DENND2B: variants seen among roughly 807,000 people sequenced by gnomAD.
DENND2B encodes the protein DENN domain-containing protein 2B.
Under a neutral mutation model 116.0 loss-of-function variants are expected in DENND2B, and 32 were observed. The observed-to-expected ratio is 0.28, with a 90% CI of 0.21 to 0.37. DENND2B has a LOEUF of 0.37. Ranked by LOEUF, DENND2B falls within the 10% of genes least tolerant of loss-of-function variation. The pLI, the probability that DENND2B is intolerant of heterozygous loss-of-function variation, is 1.00. For synonymous variants in DENND2B, 588 were observed against 583.9 expected, an observed-to-expected ratio of 1.01 and a Z score of -0.10; for missense variants, 1,276 against 1,477.7, an observed-to-expected ratio of 0.86 and a Z score of 2.24.
chr11:8,818,436 T>A (rs1262361640), intron 4 of DENND2B, among the ~76,000 whole-genome samples: 3 of 151,738 alleles, frequency 2.0e-5, no homozygotes, highest in Non-Finnish European at 4.4e-5. Flanking sequence ...TCAAGCTGCT[T>A]TTCTATGATC....
chr11:8,823,459 A>G (rs1211015633), intron 4 of DENND2B, among the ~76,000 whole-genome samples: 1 of 152,180 alleles, frequency 6.6e-6, no homozygotes, highest in Non-Finnish European at 1.5e-5. Flanking sequence ...TGGCTGTGTC[A>G]CCACCCAAAT....
At chr11:8,704,737 G>A (rs1049099410) in intron 13 of DENND2B, among the ~76,000 whole-genome samples, 1 of 151,860 alleles carries the variant, frequency 6.6e-6, no homozygotes, top group Non-Finnish European at 1.5e-5. Flanking sequence ...TCGCTTTGTC[G>A]CCCAGGCTGG....
intron 1 of DENND2B, among the ~76,000 whole-genome samples, chr11:8,752,327 C>T (rs1036068726): frequency 1.3e-5 from 2 of 151,972 alleles, no homozygotes; most frequent in African/African-American, 4.8e-5. Context: ...TGGCAGGCAG[C>T]TGTAATCTCA....
chr11:8,708,990 C>T (rs1171140917), intron 11 of DENND2B, among the ~76,000 whole-genome samples: 1 of 150,634 alleles, frequency 6.6e-6, no homozygotes, highest in Non-Finnish European at 1.5e-5. Flanking sequence ...AAAGGGGAGA[C>T]ATGCACTGAG....
chr11:8,694,913 A>G (rs536643701), intron 19 of DENND2B, among the ~76,000 whole-genome samples: 3 of 152,266 alleles, frequency 2.0e-5, no homozygotes, highest in African/African-American at 7.2e-5. Flanking sequence ...AATTTTAAAA[A>G]TAGCCAGGTG....
intron 1 of DENND2B, among the ~76,000 whole-genome samples, chr11:8,891,222 C>T (rs1460844795): frequency 6.6e-6 from 1 of 152,170 alleles, no homozygotes; most frequent in Non-Finnish European, 1.5e-5. Flanking sequence ...GCCTGCCCTA[C>T]AAGAGCTCCT....
intron 1 of DENND2B, among the ~76,000 whole-genome samples, chr11:8,801,144 A>G (rs752427524): frequency 1.6e-4 from 24 of 151,928 alleles, no homozygotes; most frequent in East Asian, 7.7e-4. Context: ...TGTTGTTCAT[A>G]CAACACATAT....
At chr11:8,791,282 G>C (rs888227074) in intron 1 of DENND2B, among the ~76,000 whole-genome samples, 1 of 152,206 alleles carries the variant, frequency 6.6e-6, no homozygotes, top group Admixed American at 6.5e-5. Flanking sequence ...ATTGCACATA[G>C]GAAGCACTGG....
chr11:8,827,071 C>CATTACTCCCAGGGAGTA (rs1434952943), intron 4 of DENND2B, among the ~76,000 whole-genome samples: 5 of 152,176 alleles, frequency 3.3e-5, no homozygotes, highest in African/African-American at 1.2e-4. Flanking sequence ...AATTCCTGAG[C>CATTACTCCCAGGGAGTA]ATTACTCCCA....
At chr11:8,888,573 T>C (rs534079029) in intron 1 of DENND2B, among the ~76,000 whole-genome samples, 2 of 152,214 alleles carry the variant, frequency 1.3e-5, no homozygotes, top group South Asian at 2.1e-4. Flanking sequence ...AATTGATATA[T>C]TGCACTGCAT....
chr11:8,865,347 T>A (rs77155759), intron 2 of DENND2B, among the ~76,000 whole-genome samples: 3 of 152,056 alleles, frequency 2.0e-5, no homozygotes, highest in Non-Finnish European at 4.4e-5. Flanking sequence ...TAGAAAAAAA[T>A]ATATATATTT....
intron 8 of DENND2B, 80 bp downstream of exon 8, chr11:8,713,918 C>A (rs764751391): frequency 1.1e-4 from 167 of 1,499,018 alleles, no homozygotes; most frequent in Admixed American, 3.3e-4. Flanking sequence ...ACACTGGAAC[C>A]ACACATGCAT....
At chr11:8,722,509 AAG>A (rs1333709023) in intron 4 of DENND2B, among the ~76,000 whole-genome samples, 1 of 152,202 alleles carries the variant, frequency 6.6e-6, no homozygotes, top group African/African-American at 2.4e-5. Flanking sequence ...AGTCCTAAGC[AAG>A]ACGGGAAACT....
At chr11:8,859,129 C>T (rs912426891) in intron 2 of DENND2B, among the ~76,000 whole-genome samples, 1 of 152,202 alleles carries the variant, frequency 6.6e-6, no homozygotes. Context: ...TCCAAACCCC[C>T]TGTATGTATC....
At chr11:8,878,635 C>T (rs1475965865) in intron 2 of DENND2B, among the ~76,000 whole-genome samples, 1 of 152,166 alleles carries the variant, frequency 6.6e-6, no homozygotes, top group African/African-American at 2.4e-5. Context: ...GTGGCCTCAG[C>T]CTCCCAAAGT....
chr11:8,783,524 A>G (rs576373563), intron 1 of DENND2B, among the ~76,000 whole-genome samples: 1 of 152,334 alleles, frequency 6.6e-6, no homozygotes, highest in Non-Finnish European at 1.5e-5. Context: ...AAAGCAATAT[A>G]TGTTAACACA....
chr11:8,795,336 C>T (rs550635434), intron 1 of DENND2B, among the ~76,000 whole-genome samples: 1 of 152,306 alleles, frequency 6.6e-6, no homozygotes, highest in Admixed American at 6.5e-5. Flanking sequence ...ATCTGGCCCT[C>T]ATACCCTTAT....
intron 1 of DENND2B, among the ~76,000 whole-genome samples, chr11:8,895,284 T>C (rs1027225295): frequency 2.6e-5 from 4 of 152,146 alleles, no homozygotes; most frequent in African/African-American, 9.6e-5. Context: ...CATTAGGAGA[T>C]ATACCTAATG....
At chr11:8,698,850 A>C (rs1422385001) in intron 16 of DENND2B, 83 bp downstream of exon 16, 1 of 1,524,948 alleles carries the variant, frequency 6.6e-7, no homozygotes, top group African/African-American at 1.4e-5. Flanking sequence ...AGAGCTCAAC[A>C]AACAGGTTGT....
Sources: allele counts gnomAD v4.1 joint callset (sites outside exome capture counted in the v4.1 genomes callset), GRCh38; gene constraint gnomAD v4.1.1; transcripts MANE v1.5; gene names NCBI Gene and HGNC (gene_info 2026-07-23, HGNC 2026-07-21).